Variants in CREBBP observed in about 807,000 individuals in gnomAD.
CREBBP encodes the protein CREB-binding protein.
CREBBP carries 19 observed loss-of-function variants against 265.0 expected under a neutral mutation model. The observed-to-expected ratio is 0.07, with a 90% CI of 0.05 to 0.11. The LOEUF (loss-of-function observed/expected upper bound fraction) is 0.11. CREBBP is among the 10% of genes least tolerant of loss of function. The probability of loss-of-function intolerance (pLI) is 1.00; values close to 1 mark genes in which losing one functional copy is unlikely to be tolerated. For missense variants in CREBBP, 2,525 were observed against 3,219.0 expected (o/e 0.78, Z 5.22); for synonymous variants, 1,457 against 1,223.7 (o/e 1.19, Z -3.98).
At chr16:3,872,950 C>A (rs556234609) in intron 1 of CREBBP, among the ~76,000 whole-genome samples, 41 of 152,268 alleles carry the variant, frequency 2.7e-4, no homozygotes, top group Non-Finnish European at 2.4e-4. Context: ...CACGGGGACA[C>A]TCAGGAAACA....
intron 2 of CREBBP, among the ~76,000 whole-genome samples, chr16:3,811,112 G>T (rs1398765467): frequency 6.6e-6 from 1 of 151,944 alleles, no homozygotes; most frequent in African/African-American, 2.4e-5. Flanking sequence ...CTACCCAAGG[G>T]GAATTCTTTC....
intron 6 of CREBBP, among the ~76,000 whole-genome samples, chr16:3,782,074 T>C (rs139457324): frequency 2.0e-5 from 3 of 152,332 alleles, no homozygotes; most frequent in African/African-American, 7.2e-5. Context: ...AGCCTAAATG[T>C]AAAGGGACTG....
intron 2 of CREBBP, among the ~76,000 whole-genome samples, chr16:3,817,939 C>A (rs1210629031): frequency 1.3e-5 from 2 of 152,160 alleles, no homozygotes; most frequent in African/African-American, 4.8e-5. Context: ...TTCCTCCATG[C>A]CCCTCATTTT....
Position 3,726,875 on chromosome 16 carries a change from T to C in CREBBP, c.*843A>G. 4.3e-6 allele frequency: 1 copy of C among 233,676 alleles called. No homozygotes were observed. The highest frequency in any genetic ancestry group is 6.0e-5 in the East Asian group (1 of 16,544). The allele number at this position is 233,676 out of a possible 1,614,324, so 14.5% of individuals were successfully genotyped here. On this transcript the variant is annotated 3_prime_UTR_variant, in exon 31 of 31. Coordinates refer to ENST00000262367, the MANE Select transcript of CREBBP (RefSeq NM_004380.3). ...TGATATAAGAAATGAGTTGGTATTT[T>C]ACCATTCTATACAGTGATTGAATCT...
intron 3 of CREBBP, among the ~76,000 whole-genome samples, chr16:3,800,283 A>G (rs1231774849): frequency 6.6e-6 from 1 of 152,108 alleles, no homozygotes; most frequent in Non-Finnish European, 1.5e-5. Context: ...ACGCCCAGCT[A>G]AGTTTTAAAA....
intron 1 of CREBBP, 150 bp downstream of exon 1, chr16:3,879,682 C>G (rs991729327): frequency 8.0e-6 from 7 of 871,102 alleles, no homozygotes; most frequent in Non-Finnish European, 1.1e-5. Context: ...GAACTTCCAC[C>G]CTCCCGCGCG....
At chr16:3,851,243 A>G (rs1310816152) in intron 1 of CREBBP, among the ~76,000 whole-genome samples, 2 of 146,082 alleles carry the variant, frequency 1.4e-5, no homozygotes, top group East Asian at 4.1e-4. Flanking sequence ...AGCCAAGATC[A>G]CGCCATTGCA....
Position 3,731,513 on chromosome 16 carries a change from T to C in CREBBP, c.4891-40A>G, listed in dbSNP as rs771121517. The C allele has an allele frequency of 1.3e-6, 2 of 1,557,504 alleles. No homozygotes were observed. Among genetic ancestry groups the C allele is most frequent in the Admixed American group, 1.9e-5 (1 of 51,610 alleles). On this transcript the variant is annotated intron_variant, in intron 29 of 30. Coordinates refer to ENST00000262367, the MANE Select transcript of CREBBP (RefSeq NM_004380.3). This position sits in a 1 kb window ranked among gnomAD's most constrained non-coding sequence, Gnocchi z 7.7. The stretch of plus-strand genomic sequence containing the variant: ...GGGCTTTAGTCCCACACAAGGGACA[T>C]GGCACCTCCAGTGGTGAGCTCAGGG...
chr16:3,871,662 T>C lies in CREBBP; in HGVS notation c.85+8170A>G, dbSNP rs1301521825. ...TCTATTTCACTGGTTATTTTAACCA[T>C]AAAGTTAAAACATGTTTAGGTGGTG... On this transcript the variant is annotated intron_variant, in intron 1 of 30. Transcript: ENST00000262367. Among the ~76,000 whole-genome samples the C allele has an allele frequency of 2.6e-5, 4 of 152,202 alleles. No individual in the cohort carries two copies. In the East Asian group the frequency reaches 7.7e-4, roughly 29 times the overall value.
At chr16:3,821,830 G>A (rs1028773029) in intron 2 of CREBBP, among the ~76,000 whole-genome samples, 7 of 152,186 alleles carry the variant, frequency 4.6e-5, no homozygotes, top group African/African-American at 1.7e-4. Context: ...AGGAGTTGGA[G>A]ACCCGCCTGG....
intron 21 of CREBBP, among the ~76,000 whole-genome samples, chr16:3,746,776 T>C (rs1164645543): frequency 6.6e-6 from 1 of 151,960 alleles, no homozygotes; most frequent in African/African-American, 2.4e-5. Context: ...GAGACCCCAT[T>C]TCTACAAAAA....
chr16:3,807,251 A>C (rs556486777), intron 3 of CREBBP, among the ~76,000 whole-genome samples: 1 of 152,266 alleles, frequency 6.6e-6, no homozygotes, highest in Non-Finnish European at 1.5e-5. Flanking sequence ...GGGGAGAGGA[A>C]CAAGAGCTCC....
Position 3,728,519 on chromosome 16 carries a change from T to C in CREBBP, c.6528A>G (p.Pro2176=). ...TACTCGCCATGTTGGGGTTGTGTCC[T>C]GGGTTCATGATGTTCAAGGCCTGGC... ...PQGQALNIMN[P]GHNPNMASMN... The change falls in exon 31 of 31, where the codon CCA becomes CCG. Residue 2176 remains proline (P), a synonymous_variant. Transcript: ENST00000262367. The surrounding 1 kb of genome is among the most constrained non-coding windows in gnomAD (Gnocchi z 8.7). 6.2e-7 allele frequency: 1 copy of C among 1,614,044 alleles called. No homozygotes were observed. Among genetic ancestry groups the C allele is most frequent in the Non-Finnish European group, 8.5e-7 (1 of 1,180,006 alleles).
intron 16 of CREBBP, among the ~76,000 whole-genome samples, chr16:3,766,618 T>C (rs554746973): frequency 1.3e-5 from 2 of 152,214 alleles, no homozygotes; most frequent in South Asian, 4.1e-4. Flanking sequence ...CTCAAACTCC[T>C]AGGCTCAGGC....
intron 26 of CREBBP, 34 bp from the exon 27 acceptor site, chr16:3,736,849 T>C: frequency 1.2e-6 from 2 of 1,613,674 alleles, no homozygotes; most frequent in Non-Finnish European, 1.7e-6. Context: ...CAGATGAACG[T>C]GCCAGTGAAA....
chr16:3,843,699 T>C (rs919198318), intron 2 of CREBBP, among the ~76,000 whole-genome samples: 2 of 151,930 alleles, frequency 1.3e-5, no homozygotes, highest in Non-Finnish European at 2.9e-5. Context: ...GAATTACAGG[T>C]GTGAGCCACC....
intron 28 of CREBBP, among the ~76,000 whole-genome samples, chr16:3,734,401 T>A (rs2051997581): frequency 6.6e-6 from 1 of 151,942 alleles, no homozygotes; most frequent in Non-Finnish European, 1.5e-5. Flanking sequence ...CACATGCATG[T>A]CCCCGGTGCA....
chr16:3,879,785 G>T lies in CREBBP; in HGVS notation c.85+47C>A, dbSNP rs767330599. ...CCCCGGACGCTCTCTTTCAGGTGGG[G>T]GTGACAGCGCGCCCCGGGCCCCCGC... On this transcript the variant is annotated intron_variant, in intron 1 of 30. Transcript: ENST00000262367. The T allele has an allele frequency of 7.8e-6, 12 of 1,537,254 alleles. No individual in the cohort carries two copies. In the Admixed American group the frequency reaches 2.0e-4, roughly 25 times the overall value.
At chr16:3,824,444 T>C (rs1235565880) in intron 2 of CREBBP, among the ~76,000 whole-genome samples, 1 of 152,240 alleles carries the variant, frequency 6.6e-6, no homozygotes, top group Non-Finnish European at 1.5e-5. Flanking sequence ...AAAGTGTTAA[T>C]TAAAATGAAC....
Sources: gnomAD v4.1 joint callset for allele counts (sites outside exome capture counted in the v4.1 genomes callset) on GRCh38, gnomAD v4.1.1 for gene constraint, Gnocchi (gnomAD v3.1) non-coding constraint, MANE v1.5 for transcripts, NCBI Gene and HGNC (gene_info 2026-07-23, HGNC 2026-07-21) for gene names.